AMBRA1: variants seen among roughly 807,000 people sequenced by gnomAD.
The protein encoded by AMBRA1 is activating molecule in BECN1-regulated autophagy protein 1.
Under a neutral mutation model 125.4 loss-of-function variants are expected in AMBRA1, and 47 were observed. The ratio of observed to expected loss-of-function variants is 0.37; its 90% CI spans 0.30 to 0.48. The LOEUF (loss-of-function observed/expected upper bound fraction) is 0.48. Ranked by LOEUF, AMBRA1 falls within the 20% of genes least tolerant of loss-of-function variation. The pLI, the probability that AMBRA1 is intolerant of heterozygous loss-of-function variation, is 0.99. For missense variants in AMBRA1, 1,331 were observed against 1,693.4 expected (o/e 0.79, Z 3.76); for synonymous variants, 626 against 655.5 (o/e 0.95, Z 0.69).
intron 7 of AMBRA1, chr11:46,518,075 C>T: frequency 1.0e-6 from 1 of 972,318 alleles, no homozygotes; most frequent in Middle Eastern, 5.3e-4. Flanking sequence ...CAAAAACATA[C>T]AACACACAAA....
chr11:46,401,307 C>T (rs1371528157), intron 17 of AMBRA1, among the ~76,000 whole-genome samples: 1 of 152,206 alleles, frequency 6.6e-6, no homozygotes, highest in African/African-American at 2.4e-5. Context: ...GTGACATGAT[C>T]TCAGCTCACT....
Position 46,414,585 on chromosome 11 carries a change from G to A in AMBRA1, c.3116+3328C>T, listed in dbSNP as rs138905705. 3.4e-3 allele frequency among the ~76,000 whole-genome samples: 525 copies of A among 152,310 alleles called. 4 individuals carry two copies. Among genetic ancestry groups the A allele is most frequent in the Non-Finnish European group, 6.3e-3 (428 of 68,028 alleles). On this transcript the variant is annotated intron_variant, in intron 15 of 17. Coordinates refer to ENST00000683756, the MANE Select transcript of AMBRA1 (RefSeq NM_001387011.1). ...TTTGTAGGGCTGGTTTATGAGGCCG[G>A]AAGTAAGCAAGCACCCCCTCATATC...
chr11:46,415,262 A>G (rs563656415), intron 15 of AMBRA1, among the ~76,000 whole-genome samples: 13 of 152,358 alleles, frequency 8.5e-5, no homozygotes, highest in African/African-American at 3.1e-4. Flanking sequence ...GAATGCGCTC[A>G]CTGATCCTCT....
intron 9 of AMBRA1, among the ~76,000 whole-genome samples, chr11:46,507,176 CAAAAA>C (rs59385965): frequency 3.2e-5 from 1 of 31,494 alleles, no homozygotes; most frequent in South Asian, 1.1e-3. Context: ...GACTCCGTCT[CAAAAA>C]AAAAAAAAAA....
intron 1 of AMBRA1, among the ~76,000 whole-genome samples, chr11:46,576,283 C>T (rs2043958490): frequency 6.6e-6 from 1 of 152,104 alleles, no homozygotes; most frequent in African/African-American, 2.4e-5. Context: ...CATGAAAATG[C>T]CAGAGACATT....
intron 9 of AMBRA1, among the ~76,000 whole-genome samples, chr11:46,503,200 CAT>C (rs1428578274): frequency 6.6e-6 from 1 of 151,306 alleles, no homozygotes; most frequent in Non-Finnish European, 1.5e-5. Context: ...TAGCTTTTGA[CAT>C]AAAGTGAGAG....
At chr11:46,454,317 T>C (rs1948749100) in intron 11 of AMBRA1, among the ~76,000 whole-genome samples, 1 of 151,668 alleles carries the variant, frequency 6.6e-6, no homozygotes. Flanking sequence ...GCGTGAGCCA[T>C]CATGCCTGGC....
Position 46,397,422 on chromosome 11 carries a change from A to AG in AMBRA1, c.*27dup. On this transcript the variant is annotated 3_prime_UTR_variant, in exon 18 of 18. Transcript: ENST00000683756. ...GGTCCGGTTTCTGCTTGGCGGTTCG[A>AG]GGGGAGGCACCAGTGCAACGTTTGT... 5 of 1,465,484 alleles carry AG rather than the reference A, an allele frequency of 3.4e-6. No homozygotes were observed. The highest frequency in any genetic ancestry group is 4.5e-6 in the Non-Finnish European group (5 of 1,105,496). The allele number at this position is 1,465,484 out of a possible 1,614,324, so 90.8% of individuals were successfully genotyped here.
intron 11 of AMBRA1, among the ~76,000 whole-genome samples, chr11:46,450,559 C>T (rs184074841): frequency 3.2e-4 from 48 of 152,162 alleles, no homozygotes; most frequent in Non-Finnish European, 5.9e-4. Context: ...CCCACCTCAG[C>T]CTCCCGAGTA....
At chr11:46,580,675 T>C (rs1432197859) in intron 1 of AMBRA1, among the ~76,000 whole-genome samples, 1 of 152,198 alleles carries the variant, frequency 6.6e-6, no homozygotes, top group Non-Finnish European at 1.5e-5. Flanking sequence ...TACAGTCTAA[T>C]CCAAACCATC....
intron 1 of AMBRA1, among the ~76,000 whole-genome samples, chr11:46,573,792 A>G (rs1272137250): frequency 1.4e-5 from 2 of 146,826 alleles, no homozygotes; most frequent in Non-Finnish European, 3.0e-5. Flanking sequence ...CATTAGGTAT[A>G]CCTCCCAATG....
chr11:46,542,723 C>T lies in AMBRA1; in HGVS notation c.1294G>A (p.Ala432Thr). ...GTTCTGGGCGGGGGCATGGATTCCGCCTCAGAGCGGGAGTTCAGACTGAGT... is the reference window on the plus strand; with the variant it reads ...GTTCTGGGCGGGGGCATGGATTCCGTCTCAGAGCGGGAGTTCAGACTGAGT... ...TVLSLNSRSE[A>T]ESMPPPRTSA... Residue 432 changes from alanine to threonine, a missense_variant, in exon 7 of 18, where the codon GCG becomes ACG. Ala to Thr is a moderately conservative substitution (Grantham distance 58). Transcript: ENST00000683756. The surrounding 1 kb of genome is among the most constrained non-coding windows in gnomAD (Gnocchi z 5.9). 6.2e-7 allele frequency: 1 copy of T among 1,614,070 alleles called. No individual in the cohort carries two copies. Among genetic ancestry groups the T allele is most frequent in the Non-Finnish European group, 8.5e-7 (1 of 1,180,016 alleles).
chr11:46,540,862 T>C (rs1952703589), intron 7 of AMBRA1, among the ~76,000 whole-genome samples: 1 of 152,234 alleles, frequency 6.6e-6, no homozygotes, highest in Non-Finnish European at 1.5e-5. Flanking sequence ...TGTATTATAC[T>C]TCTTTTGTAT....
At chr11:46,438,957 A>G (rs567894434) in intron 12 of AMBRA1, among the ~76,000 whole-genome samples, 6 of 152,292 alleles carry the variant, frequency 3.9e-5, no homozygotes, top group African/African-American at 1.2e-4. Flanking sequence ...ACATAAATCA[A>G]CTTGGTGGTT....
At chr11:46,434,434 A>G (rs1947616611) in intron 13 of AMBRA1, among the ~76,000 whole-genome samples, 1 of 151,554 alleles carries the variant, frequency 6.6e-6, no homozygotes, top group Admixed American at 6.6e-5. Flanking sequence ...TCTCAAGGCA[A>G]CAATTTGGCA....
intron 9 of AMBRA1, among the ~76,000 whole-genome samples, chr11:46,499,307 T>C (rs1950746900): frequency 6.6e-6 from 1 of 152,206 alleles, no homozygotes; most frequent in African/African-American, 2.4e-5. Flanking sequence ...GCGTAATTCT[T>C]TCCTGCTGTA....
intron 1 of AMBRA1, among the ~76,000 whole-genome samples, chr11:46,584,194 T>C (rs1025794083): frequency 1.4e-5 from 2 of 143,674 alleles, no homozygotes; most frequent in Admixed American, 1.4e-4. Context: ...TATGCAGCCA[T>C]AAAAAATGAT....
At chr11:46,503,608 C>T (rs1950923591) in intron 9 of AMBRA1, among the ~76,000 whole-genome samples, 1 of 152,110 alleles carries the variant, frequency 6.6e-6, no homozygotes, top group Admixed American at 6.5e-5. Context: ...ACAATACCTG[C>T]AAAGCGCAAA....
At chr11:46,500,757 A>G (rs939921920) in intron 9 of AMBRA1, among the ~76,000 whole-genome samples, 1 of 152,072 alleles carries the variant, frequency 6.6e-6, no homozygotes, top group African/African-American at 2.4e-5. Flanking sequence ...CCCATCACCA[A>G]TATCAATTCC....
Sources: gnomAD v4.1 joint callset for allele counts (sites outside exome capture counted in the v4.1 genomes callset) on GRCh38, gnomAD v4.1.1 for gene constraint, Gnocchi (gnomAD v3.1) non-coding constraint, MANE v1.5 for transcripts, NCBI Gene and HGNC (gene_info 2026-07-23, HGNC 2026-07-21) for gene names.